Variants in TNFRSF11A observed in about 807,000 individuals in gnomAD.
TNFRSF11A encodes TNF receptor superfamily member 11a.
TNFRSF11A carries 32 observed loss-of-function variants against 55.7 expected under a neutral mutation model. That is an observed-to-expected ratio of 0.57 (90% CI 0.43 to 0.77). TNFRSF11A has a LOEUF of 0.77. Among genes scored for constraint, TNFRSF11A ranks in the 30% least tolerant of loss-of-function variants. TNFRSF11A has a pLI of 0.00. For synonymous variants in TNFRSF11A, 311 were observed against 331.0 expected, an observed-to-expected ratio of 0.94 and a Z score of 0.65; for missense variants, 753 against 809.8, an observed-to-expected ratio of 0.93 and a Z score of 0.85.
chr18:62,380,328 T>C (rs1170981809), intron 9 of TNFRSF11A, among the ~76,000 whole-genome samples: 1 of 152,252 alleles, frequency 6.6e-6, no homozygotes, highest in Non-Finnish European at 1.5e-5. Flanking sequence ...AATGGTTGTT[T>C]TTGTCATTAA....
At chr18:62,349,983 A>C in intron 3 of TNFRSF11A, 46 bp downstream of exon 3, 2 of 1,610,612 alleles carry the variant, frequency 1.2e-6, no homozygotes, top group Non-Finnish European at 1.7e-6. Flanking sequence ...TAGAAACCTC[A>C]GACCTCTTTT....
rs147583192 is a variant in TNFRSF11A, at chr18:62,349,039, C to G, written c.158-773C>G. ...AGAAGTTAACAAGAAGTTGCCTATC[C>G]AGATGGAAGGCAGAGGGGAGAGGGG... On this transcript the variant is annotated intron_variant, in intron 2 of 9. Coordinates refer to ENST00000586569, the MANE Select transcript of TNFRSF11A (RefSeq NM_003839.4). 4.9e-3 allele frequency among the ~76,000 whole-genome samples: 746 copies of G among 152,272 alleles called. 3 individuals are homozygous for G. Among genetic ancestry groups the G allele is most frequent in the African/African-American group, 0.017 (725 of 41,562 alleles).
intron 9 of TNFRSF11A, among the ~76,000 whole-genome samples, chr18:62,376,278 C>CTT (rs35138457): frequency 8.1e-5 from 8 of 99,232 alleles, no homozygotes; most frequent in East Asian, 5.7e-4. Context: ...CAAACTTTAT[C>CTT]TTTTTTTTTT....
intron 1 of TNFRSF11A, among the ~76,000 whole-genome samples, chr18:62,329,759 C>T (rs910887598): frequency 3.9e-5 from 6 of 152,098 alleles, no homozygotes; most frequent in East Asian, 1.9e-4. Flanking sequence ...TTCCTGCCTG[C>T]GAGACCAACC....
At chr18:62,358,136 G>A in intron 4 of TNFRSF11A, 112 bp from the exon 5 acceptor site, 5 of 973,948 alleles carry the variant, frequency 5.1e-6, no homozygotes, top group South Asian at 1.3e-5. Flanking sequence ...GGGCAGAGAG[G>A]GGCAGCGCCT....
At chr18:62,362,546 A>G (rs1297971838) in intron 7 of TNFRSF11A, among the ~76,000 whole-genome samples, 1 of 151,586 alleles carries the variant, frequency 6.6e-6, no homozygotes, top group African/African-American at 2.4e-5. Context: ...GTTATATTGA[A>G]TAAAATTTGG....
intron 9 of TNFRSF11A, among the ~76,000 whole-genome samples, chr18:62,377,735 T>C (rs1176869169): frequency 3.3e-5 from 5 of 152,128 alleles, no homozygotes; most frequent in Non-Finnish European, 7.3e-5. Flanking sequence ...TTTAATCGGG[T>C]TATTTGTTTT....
At chr18:62,360,136 GC>G in intron 6 of TNFRSF11A, 87 bp downstream of exon 6, 1 of 983,926 alleles carries the variant, frequency 1.0e-6, no homozygotes, top group Non-Finnish European at 1.6e-6. Context: ...ACGTGGATTT[GC>G]GGGCGTCCTC....
At chr18:62,331,737 T>A (rs556877121) in intron 1 of TNFRSF11A, among the ~76,000 whole-genome samples, 2 of 152,348 alleles carry the variant, frequency 1.3e-5, no homozygotes, top group Admixed American at 6.5e-5. Flanking sequence ...GAAGCAGTGT[T>A]TATGTTGGAC....
At position 62,333,534 on chromosome 18, in the gene TNFRSF11A, G is replaced by T. The variant is rs1360567837; in HGVS notation, c.75+8107G>T. ...GTGTGCCAGGCATGTACTTTACACG[G>T]ATTATATCTAATGCTCACTCCACCT... is the stretch of plus-strand genomic sequence containing the variant. On this transcript the variant is annotated intron_variant, in intron 1 of 9. Coordinates refer to ENST00000586569, the MANE Select transcript of TNFRSF11A (RefSeq NM_003839.4). Among the ~76,000 whole-genome samples the T allele has an allele frequency of 4.6e-5, 7 of 152,324 alleles. No individual in the cohort carries two copies. In the South Asian group the frequency reaches 1.2e-3, roughly 27 times the overall value.
intron 7 of TNFRSF11A, 50 bp downstream of exon 7, chr18:62,361,843 C>A (rs1434022737): frequency 2.0e-6 from 3 of 1,502,506 alleles, no homozygotes; most frequent in South Asian, 2.3e-5. Context: ...AGATAGATTT[C>A]TAGGTAAATG....
At chr18:62,339,557 G>T (rs1028788715) in intron 1 of TNFRSF11A, among the ~76,000 whole-genome samples, 6 of 152,156 alleles carry the variant, frequency 3.9e-5, no homozygotes, top group Non-Finnish European at 8.8e-5. Flanking sequence ...CTCTATATGT[G>T]GCTGTGTCCT....
At chr18:62,344,799 A>G (rs1413685641) in intron 1 of TNFRSF11A, among the ~76,000 whole-genome samples, 7 of 152,210 alleles carry the variant, frequency 4.6e-5, no homozygotes, top group Non-Finnish European at 1.0e-4. Flanking sequence ...GAGAGGTCAG[A>G]CTGGGAGGGG....
Position 62,375,588 on chromosome 18 carries a change from A to C in TNFRSF11A, c.1567+6104A>C, listed in dbSNP as rs114254017. Among the ~76,000 whole-genome samples the C allele has an allele frequency of 3.1e-3, 471 of 152,328 alleles. 5 individuals are homozygous for C. The highest frequency in any genetic ancestry group is 0.011 in the African/African-American group (446 of 41,574). ...TTTTGTCAGTGATATTATAGACGTT[A>C]GTCACTGGGTGCTGAGTGTTTTGTG... On this transcript the variant is annotated intron_variant, in intron 9 of 9. Coordinates refer to ENST00000586569, the MANE Select transcript of TNFRSF11A (RefSeq NM_003839.4).
intron 4 of TNFRSF11A, among the ~76,000 whole-genome samples, chr18:62,356,294 C>T (rs909689189): frequency 3.3e-5 from 5 of 152,206 alleles, no homozygotes; most frequent in African/African-American, 7.2e-5. Context: ...CTGACACATT[C>T]GGTCTTTATT....
chr18:62,358,288 A>C lies in TNFRSF11A; in HGVS notation c.468A>C (p.Ala156=), dbSNP rs772166671. ...NKDTVCKPCL[A]GYFSDAFSST... is the part of the protein sequence containing the mutation. ...ACACAGTGTGCAAACCTTGCCTTGC[A>C]GGCTACTTCTCTGATGCCTTTTCCT... The change falls in exon 5 of 10, where the codon GCA becomes GCC. Residue 156 remains alanine, a synonymous_variant. Transcript: ENST00000586569. 1 of 1,610,812 alleles carries C rather than the reference A, an allele frequency of 6.2e-7. No individual in the cohort carries two copies. Among genetic ancestry groups the C allele is most frequent in the South Asian group, 1.1e-5 (1 of 91,032 alleles).
chr18:62,385,184 A>G lies in TNFRSF11A; in HGVS notation c.*150A>G. The G allele has an allele frequency of 2.1e-6, 2 of 943,300 alleles. No individual in the cohort carries two copies. The highest frequency in any genetic ancestry group is 2.9e-6 in the Non-Finnish European group (2 of 694,114). The allele number at this position is 943,300 out of a possible 1,614,324, so 58.4% of individuals were successfully genotyped here. A position where few individuals can be genotyped will look rare whatever the true frequency, so the allele number is the denominator to read the frequency against. On this transcript the variant is annotated 3_prime_UTR_variant, in exon 10 of 10. Coordinates refer to ENST00000586569, the MANE Select transcript of TNFRSF11A (RefSeq NM_003839.4). ...TCTCTGCCCACTTTGCCTTCCAGGA[A>G]ATGGGCTTTTCAGGAAGTGAATTGA... is the stretch of plus-strand genomic sequence containing the variant.
At chr18:62,356,841 G>A (rs117286649) in intron 4 of TNFRSF11A, among the ~76,000 whole-genome samples, 133 of 152,340 alleles carry the variant, frequency 8.7e-4, no homozygotes, top group Middle Eastern at 3.4e-3. Context: ...ATGAAAGGGA[G>A]CAAGGAAAGG....
At chr18:62,354,289 G>C (rs1417679095) in intron 3 of TNFRSF11A, 102 bp from the exon 4 acceptor site, 67 of 1,393,466 alleles carry the variant, frequency 4.8e-5, no homozygotes, top group Non-Finnish European at 6.0e-5. Context: ...CCTGCCAGGC[G>C]GGCTGCTGCT....
Sources: allele counts gnomAD v4.1 joint callset (sites outside exome capture counted in the v4.1 genomes callset), GRCh38; gene constraint gnomAD v4.1.1; transcripts MANE v1.5; gene names NCBI Gene and HGNC (gene_info 2026-07-23, HGNC 2026-07-21).